Variants in HEMK2 observed in about 807,000 individuals in gnomAD.
HEMK2 encodes methyltransferase HEMK2.
the HEMK2 span, among the ~76,000 whole-genome samples, chr21:28,847,901 T>C: frequency 6.6e-6 from 1 of 152,214 alleles, no homozygotes; most frequent in Non-Finnish European, 1.5e-5. Context: ...TGCTTGCTAC[T>C]GTTGACTTTG....
the HEMK2 span, among the ~76,000 whole-genome samples, chr21:28,641,678 A>G: frequency 2.0e-5 from 3 of 152,222 alleles, no homozygotes; most frequent in African/African-American, 7.2e-5. Flanking sequence ...ATGAACAGGA[A>G]CTGAGAGATT....
the HEMK2 span, among the ~76,000 whole-genome samples, chr21:28,760,396 G>A: frequency 2.7e-3 from 406 of 152,284 alleles, 3 homozygotes; most frequent in African/African-American, 9.1e-3. Context: ...CTTTGCTGCA[G>A]TGACAATGTG....
At chr21:28,684,072 C>T in the HEMK2 span, among the ~76,000 whole-genome samples, 1 of 152,192 alleles carries the variant, frequency 6.6e-6, no homozygotes, top group South Asian at 2.1e-4. Flanking sequence ...CTGTGCTATG[C>T]TTATATGTTG....
At chr21:28,602,675 C>T in the HEMK2 span, among the ~76,000 whole-genome samples, 3 of 152,170 alleles carry the variant, frequency 2.0e-5, no homozygotes, top group African/African-American at 7.2e-5. Flanking sequence ...AGGCAAGACT[C>T]CTGAGCCAAT....
the HEMK2 span, among the ~76,000 whole-genome samples, chr21:28,737,100 TGTTGGTTGGTTGGTTG>T: frequency 3.9e-5 from 6 of 152,142 alleles, no homozygotes; most frequent in South Asian, 6.2e-4. Flanking sequence ...CAGTGAAGTT[TGTTGGTTGGTTGGTTG>T]GTTGGTTGGT....
the HEMK2 span, among the ~76,000 whole-genome samples, chr21:28,852,080 G>A: frequency 6.6e-6 from 1 of 152,204 alleles, no homozygotes; most frequent in Non-Finnish European, 1.5e-5. Flanking sequence ...AAACGGGAGA[G>A]TTGAAAGGGG....
the HEMK2 span, among the ~76,000 whole-genome samples, chr21:28,655,235 T>C: frequency 6.6e-6 from 1 of 152,104 alleles, no homozygotes; most frequent in South Asian, 2.1e-4. Flanking sequence ...TATTTTTCAC[T>C]AATTTCAATG....
chr21:28,853,449 T>C, the HEMK2 span, among the ~76,000 whole-genome samples: 1 of 152,352 alleles, frequency 6.6e-6, no homozygotes, highest in Admixed American at 6.5e-5. Flanking sequence ...TCCATTCCCA[T>C]GACTGTTGTT....
At chr21:28,756,137 T>C in the HEMK2 span, among the ~76,000 whole-genome samples, 3 of 152,140 alleles carry the variant, frequency 2.0e-5, no homozygotes, top group African/African-American at 7.2e-5. Context: ...GCCACAGATA[T>C]ACTTTGTTTT....
the HEMK2 span, among the ~76,000 whole-genome samples, chr21:28,771,281 G>A: frequency 6.6e-6 from 1 of 152,148 alleles, no homozygotes; most frequent in Non-Finnish European, 1.5e-5. Context: ...ATACTCTCTG[G>A]AGTTACGATT....
At chr21:28,616,223 T>G in the HEMK2 span, among the ~76,000 whole-genome samples, 1 of 152,128 alleles carries the variant, frequency 6.6e-6, no homozygotes, top group South Asian at 2.1e-4. Flanking sequence ...GCTAATAATA[T>G]AAGCAACAAG....
At chr21:28,773,471 T>TTAA in the HEMK2 span, among the ~76,000 whole-genome samples, 1 of 152,110 alleles carries the variant, frequency 6.6e-6, no homozygotes, top group Admixed American at 6.6e-5. Flanking sequence ...TAGAAACATA[T>TTAA]TAATAGAAGA....
chr21:28,651,779 A>T, the HEMK2 span, among the ~76,000 whole-genome samples: 1 of 152,220 alleles, frequency 6.6e-6, no homozygotes, highest in Non-Finnish European at 1.5e-5. Context: ...CTGCCATGTT[A>T]TTAACATGCC....
chr21:28,712,109 TC>T, the HEMK2 span, among the ~76,000 whole-genome samples: 17 of 152,258 alleles, frequency 1.1e-4, no homozygotes, highest in African/African-American at 4.1e-4. Context: ...GAGGACAATC[TC>T]CCCAGCATCT....
chr21:28,590,207 G>A, the HEMK2 span, among the ~76,000 whole-genome samples: 4 of 152,114 alleles, frequency 2.6e-5, no homozygotes, highest in African/African-American at 9.7e-5. Context: ...ATTCAACTAT[G>A]GGTAAGATTG....
the HEMK2 span, chr21:28,879,826 A>G: frequency 7.6e-5 from 107 of 1,403,330 alleles, 1 homozygote; most frequent in Non-Finnish European, 9.4e-5. Context: ...TTACAAACAA[A>G]ATAATTGAAA....
At chr21:28,817,553 T>C in the HEMK2 span, among the ~76,000 whole-genome samples, 4,038 of 152,338 alleles carry the variant, frequency 0.027, 183 homozygotes, top group African/African-American at 0.092. Context: ...TTACTAACTC[T>C]AGATTTCAAC....
the HEMK2 span, among the ~76,000 whole-genome samples, chr21:28,852,117 T>C: frequency 1.3e-5 from 2 of 152,224 alleles, no homozygotes; most frequent in African/African-American, 4.8e-5. Flanking sequence ...CATCCCTGCA[T>C]CTTTCAAGTA....
the HEMK2 span, among the ~76,000 whole-genome samples, chr21:28,700,021 A>G: frequency 6.6e-6 from 1 of 152,180 alleles, no homozygotes; most frequent in African/African-American, 2.4e-5. Flanking sequence ...GCAGCAACTG[A>G]TCCTTAAGGT....
Sources: allele counts gnomAD v4.1 joint callset (sites outside exome capture counted in the v4.1 genomes callset), GRCh38; gene constraint gnomAD v4.1.1; transcripts MANE v1.5; gene names NCBI Gene and HGNC (gene_info 2026-07-23, HGNC 2026-07-21).